Variants in CCDC3 observed in about 807,000 individuals in gnomAD.
CCDC3 encodes the protein coiled-coil domain containing 3, also known as coiled-coil domain-containing protein 3.
Under a neutral mutation model 21.4 loss-of-function variants are expected in CCDC3, and 24 were observed. That is an observed-to-expected ratio of 1.12 (90% CI 0.81 to 1.58). The LOEUF is 1.58. Among genes scored for constraint, CCDC3 ranks in the 40% most tolerant of loss-of-function variants. CCDC3 has a pLI of 0.00. For missense variants in CCDC3, 425 were observed against 360.9 expected (o/e 1.18, Z -1.44); for synonymous variants, 186 against 166.0 (o/e 1.12, Z -0.93).
At chr10:13,090,016 C>G (rs1837161888) in intron 3 of CCDC3, among the ~76,000 whole-genome samples, 1 of 144,410 alleles carries the variant, frequency 6.9e-6, no homozygotes, top group Non-Finnish European at 1.5e-5. Context: ...CTTTTTATGG[C>G]TGAGTAGTAT....
intron 2 of CCDC3, among the ~76,000 whole-genome samples, chr10:12,915,903 G>A (rs1005699608): frequency 1.3e-5 from 2 of 151,962 alleles, no homozygotes; most frequent in African/African-American, 4.8e-5. Context: ...GACCATGGGT[G>A]CTGACCTGGC....
rs1305379287 is a variant in CCDC3, at chr10:13,090,062, T to G, written c.-503+8463A>C. 1.2e-4 allele frequency among the ~76,000 whole-genome samples: 17 copies of G among 139,182 alleles called. 1 individual carries two copies. Among genetic ancestry groups the G allele is most frequent in the African/African-American group, 2.9e-4 (10 of 34,186 alleles). The allele number at this position is 139,182 out of a possible 152,430, so 91.3% of individuals were successfully genotyped here. A position where few individuals can be genotyped will look rare whatever the true frequency, so the allele number is the denominator to read the frequency against. On this transcript the variant is annotated intron_variant, in intron 3 of 6. Transcript: ENST00000378839. ...ATATATATATATATATATATATATA[T>G]ATATATATATATATATCACCGTTTC...
At chr10:13,013,275 G>C (rs1255411444) in intron 5 of CCDC3, among the ~76,000 whole-genome samples, 1 of 152,208 alleles carries the variant, frequency 6.6e-6, no homozygotes, top group African/African-American at 2.4e-5. Flanking sequence ...GATGATTTCA[G>C]AGAGTAGATG....
At chr10:12,906,972 T>G (rs186322204) in intron 2 of CCDC3, among the ~76,000 whole-genome samples, 2 of 152,178 alleles carry the variant, frequency 1.3e-5, no homozygotes, top group Non-Finnish European at 2.9e-5. Flanking sequence ...ACATTCTACT[T>G]CTTCTCCAAG....
At chr10:12,927,070 C>T (rs962119832) in intron 2 of CCDC3, among the ~76,000 whole-genome samples, 6 of 152,236 alleles carry the variant, frequency 3.9e-5, no homozygotes, top group South Asian at 2.1e-4. Flanking sequence ...TATCAGCCAA[C>T]GTGATATTTA....
intron 5 of CCDC3, among the ~76,000 whole-genome samples, chr10:13,014,869 C>A (rs556049837): frequency 1.3e-5 from 2 of 152,194 alleles, no homozygotes; most frequent in Admixed American, 1.3e-4. Flanking sequence ...AGCTACAATT[C>A]TTGAAACAGT....
chr10:12,945,288 C>T (rs1198914631), intron 2 of CCDC3, among the ~76,000 whole-genome samples: 1 of 151,482 alleles, frequency 6.6e-6, no homozygotes, highest in Non-Finnish European at 1.5e-5. Context: ...TGCAAGCATA[C>T]AAAATAAGTA....
At chr10:13,017,379 T>C (rs987522970) in intron 5 of CCDC3, among the ~76,000 whole-genome samples, 14 of 151,486 alleles carry the variant, frequency 9.2e-5, no homozygotes, top group Non-Finnish European at 2.1e-4. Context: ...TAGCCAGGTG[T>C]GGTGGCGGGT....
intron 2 of CCDC3, among the ~76,000 whole-genome samples, chr10:12,966,791 C>T (rs1835268737): frequency 6.6e-6 from 1 of 152,114 alleles, no homozygotes. Flanking sequence ...TTATTGGGCG[C>T]CTTCAAATTC....
At chr10:12,924,284 G>GT (rs1564285797) in intron 2 of CCDC3, among the ~76,000 whole-genome samples, 12 of 152,144 alleles carry the variant, frequency 7.9e-5, no homozygotes. Context: ...GCCCTTTGCC[G>GT]TACAGTGTGG....
chr10:12,936,799 G>C (rs1834746029), intron 2 of CCDC3, among the ~76,000 whole-genome samples: 1 of 152,184 alleles, frequency 6.6e-6, no homozygotes, highest in Admixed American at 6.5e-5. Flanking sequence ...TATAGTCCCA[G>C]CTACTCAAGA....
intron 5 of CCDC3, among the ~76,000 whole-genome samples, chr10:13,042,020 C>T (rs923355618): frequency 3.3e-5 from 5 of 152,206 alleles, no homozygotes; most frequent in African/African-American, 1.2e-4. Flanking sequence ...TCCCCAGACT[C>T]AGGAGATCCC....
intron 2 of CCDC3, among the ~76,000 whole-genome samples, chr10:12,959,354 G>C (rs1350169140): frequency 6.6e-6 from 1 of 152,062 alleles, no homozygotes; most frequent in East Asian, 1.9e-4. Flanking sequence ...TTTTAGTAGA[G>C]ATGGGATTTC....
chr10:13,001,157 CAGAG>C lies in CCDC3; in HGVS notation c.374+36_374+39del, dbSNP rs150639288. The C allele has an allele frequency of 5.2e-4, 771 of 1,479,894 alleles. 6 individuals carry two copies. The East Asian group carries it at 0.016, about 31-fold the overall frequency. The allele number at this position is 1,479,894 out of a possible 1,614,324, so 91.7% of individuals were successfully genotyped here. A position where few individuals can be genotyped will look rare whatever the true frequency, so the allele number is the denominator to read the frequency against. On this transcript the variant is annotated intron_variant, in intron 1 of 2. Transcript: ENST00000378825. Reference sequence around the variant, plus strand: ...GTAACGGCGACCTCGGGAGGTGGCGCAGAGAGAGAGAGAGGTGGCGGCGGCGCCG... The same window carrying C: ...GTAACGGCGACCTCGGGAGGTGGCGCAGAGAGAGAGGTGGCGGCGGCGCCG...
At chr10:12,998,188 G>C (rs1835790964) in intron 2 of CCDC3, 150 bp downstream of exon 2, 1 of 741,394 alleles carries the variant, frequency 1.3e-6, no homozygotes, top group South Asian at 2.7e-5. Flanking sequence ...GGGAGGTAAG[G>C]AGGGATAGCA....
chr10:12,981,338 C>A (rs1477985394), intron 2 of CCDC3, among the ~76,000 whole-genome samples: 3 of 152,006 alleles, frequency 2.0e-5, no homozygotes. Flanking sequence ...TGCCACCACA[C>A]CCAGCTAATT....
chr10:12,962,420 T>C (rs1357529649), intron 2 of CCDC3, among the ~76,000 whole-genome samples: 5 of 152,136 alleles, frequency 3.3e-5, no homozygotes, highest in South Asian at 4.1e-4. Context: ...CTGGCCACCA[T>C]GGTGAAACCC....
intron 2 of CCDC3, among the ~76,000 whole-genome samples, chr10:12,957,799 C>T (rs2131254026): frequency 6.6e-6 from 1 of 152,294 alleles, no homozygotes; most frequent in Admixed American, 6.5e-5. Flanking sequence ...CATACTTCCT[C>T]AATAGTTTGT....
chr10:12,977,524 T>C (rs1835435151), intron 2 of CCDC3, among the ~76,000 whole-genome samples: 1 of 152,142 alleles, frequency 6.6e-6, no homozygotes, highest in South Asian at 2.1e-4. Context: ...CTAAAGTCAA[T>C]TTCCTTGGAC....
Sources: gnomAD v4.1 joint callset for allele counts (sites outside exome capture counted in the v4.1 genomes callset) on GRCh38, gnomAD v4.1.1 for gene constraint, MANE v1.5 for transcripts, NCBI Gene and HGNC (gene_info 2026-07-23, HGNC 2026-07-21) for gene names.